Variants in ACOXL observed in about 807,000 individuals in gnomAD.
The protein encoded by ACOXL is acyl-coenzyme A oxidase-like protein.
A neutral mutation model predicts 71.9 loss-of-function variants in ACOXL; 70 were observed. The observed-to-expected ratio is 0.97, with a 90% confidence interval of 0.80 to 1.19. ACOXL has a LOEUF of 1.19. ACOXL is among the 50% of genes most tolerant of loss of function. ACOXL has a pLI of 0.00. For missense variants in ACOXL, 703 were observed against 736.3 expected, an observed-to-expected ratio of 0.95 and a Z score of 0.52; for synonymous variants, 253 against 281.6, an observed-to-expected ratio of 0.90 and a Z score of 1.02.
chr2:110,760,527 G>A (rs1367898648), intron 1 of ACOXL, among the ~76,000 whole-genome samples: 1 of 152,204 alleles, frequency 6.6e-6, no homozygotes, highest in Admixed American at 6.5e-5. Flanking sequence ...TGCATGACTG[G>A]GAGGACCTTC....
intron 16 of ACOXL, among the ~76,000 whole-genome samples, chr2:111,076,681 T>A (rs2067615518): frequency 6.6e-6 from 1 of 152,204 alleles, no homozygotes; most frequent in Non-Finnish European, 1.5e-5. Context: ...TAGTTTCCTA[T>A]GGCTACTGTA....
At chr2:110,889,870 C>G (rs554119489) in intron 10 of ACOXL, among the ~76,000 whole-genome samples, 1 of 152,246 alleles carries the variant, frequency 6.6e-6, no homozygotes, top group East Asian at 1.9e-4. Context: ...CTATGTTTAA[C>G]ATTTTGAGGA....
chr2:111,029,287 A>G (rs1324547910), intron 14 of ACOXL, among the ~76,000 whole-genome samples: 1 of 152,114 alleles, frequency 6.6e-6, no homozygotes, highest in African/African-American at 2.4e-5. Flanking sequence ...AAGATGAGAG[A>G]GTTGATTTCT....
At chr2:110,818,282 T>G (rs1479026083) in intron 9 of ACOXL, among the ~76,000 whole-genome samples, 1 of 151,226 alleles carries the variant, frequency 6.6e-6, no homozygotes, top group Non-Finnish European at 1.5e-5. Context: ...TATTCCCAGC[T>G]ATTTGGGAGG....
At chr2:110,925,523 G>A (rs2060236940) in intron 11 of ACOXL, among the ~76,000 whole-genome samples, 1 of 152,196 alleles carries the variant, frequency 6.6e-6, no homozygotes, top group African/African-American at 2.4e-5. Context: ...AACCAATTTA[G>A]CCTCAAACTT....
At chr2:110,786,594 A>G (rs1489383047) in intron 3 of ACOXL, among the ~76,000 whole-genome samples, 1 of 152,114 alleles carries the variant, frequency 6.6e-6, no homozygotes, top group Non-Finnish European at 1.5e-5. Context: ...TCTGCCATCT[A>G]CTTTCTCTTC....
At chr2:110,932,127 A>T (rs2060497779) in intron 11 of ACOXL, among the ~76,000 whole-genome samples, 2 of 152,386 alleles carry the variant, frequency 1.3e-5, no homozygotes, top group South Asian at 4.1e-4. Flanking sequence ...ATATATTGTA[A>T]TGTGGATGAA....
chr2:110,944,821 C>A (rs1574229788), intron 12 of ACOXL, among the ~76,000 whole-genome samples: 1 of 152,116 alleles, frequency 6.6e-6, no homozygotes, highest in East Asian at 1.9e-4. Flanking sequence ...GTGCATGTGT[C>A]TTTATGGTAG....
intron 14 of ACOXL, among the ~76,000 whole-genome samples, chr2:111,005,656 C>T (rs1378337375): frequency 6.6e-6 from 1 of 152,200 alleles, no homozygotes; most frequent in Admixed American, 6.5e-5. Flanking sequence ...GCTCAGGTCA[C>T]CTGCTTGGGG....
In ACOXL at chr2:110,953,208, A is replaced by T. The variant is rs201523093; in HGVS notation, c.1059+19566A>T. Among the ~76,000 whole-genome samples the T allele has an allele frequency of 3.9e-5, 6 of 152,272 alleles. No individual in the cohort carries two copies. In the East Asian group the frequency reaches 1.2e-3, roughly 29 times the overall value. ...GTTACCCAAGATCACACAGCTCCTG[A>T]ATTGGCGGAGCTGAGATTCAAATCC... On this transcript the variant is annotated intron_variant, in intron 12 of 17. Coordinates refer to ENST00000439055, the MANE Select transcript of ACOXL (RefSeq NM_001142807.4).
chr2:111,078,955 C>T (rs1294466151), intron 16 of ACOXL, among the ~76,000 whole-genome samples: 2 of 152,156 alleles, frequency 1.3e-5, no homozygotes, highest in Non-Finnish European at 2.9e-5. Context: ...AAACCTTTTG[C>T]AGCACTATTT....
In ACOXL at chr2:110,999,375, G is replaced by A. The variant is rs185105537; in HGVS notation, c.1281+3371G>A. ...GTCACATCCTGAGGTACTAGGAGTTGGGACATCAATGTTTGAATTTAGAGA... is the reference window on the plus strand; with the variant it reads ...GTCACATCCTGAGGTACTAGGAGTTAGGACATCAATGTTTGAATTTAGAGA... On this transcript the variant is annotated intron_variant, in intron 14 of 17. Coordinates refer to ENST00000439055, the MANE Select transcript of ACOXL (RefSeq NM_001142807.4). Among the ~76,000 whole-genome samples the A allele has an allele frequency of 6.6e-5, 10 of 152,222 alleles. No individual in the cohort carries two copies. The East Asian group carries it at 9.7e-4, about 15-fold the overall frequency.
At position 110,908,586 on chromosome 2, in the gene ACOXL, T is replaced by C. The variant is rs182211254; in HGVS notation, c.789-203T>C. ...AATGTTCCACGCTGGGAAGGTTAAC[T>C]TCTAGAAGAGCTGAAAAGCTTCCTG... is the stretch of plus-strand genomic sequence containing the variant. On this transcript the variant is annotated intron_variant, in intron 10 of 17. Coordinates refer to ENST00000439055, the MANE Select transcript of ACOXL (RefSeq NM_001142807.4). Among the ~76,000 whole-genome samples the C allele has an allele frequency of 1.2e-3, 180 of 152,322 alleles. 2 individuals carry two copies. Among genetic ancestry groups the C allele is most frequent in the African/African-American group, 4.2e-3 (175 of 41,572 alleles).
chr2:111,082,780 A>G (rs1325371598), intron 16 of ACOXL, among the ~76,000 whole-genome samples: 1 of 152,236 alleles, frequency 6.6e-6, no homozygotes, highest in Non-Finnish European at 1.5e-5. Flanking sequence ...ACTTGGAACC[A>G]ACCCAAATGC....
intron 12 of ACOXL, among the ~76,000 whole-genome samples, chr2:110,960,470 T>A (rs1311276927): frequency 6.6e-6 from 1 of 152,092 alleles, no homozygotes; most frequent in African/African-American, 2.4e-5. Flanking sequence ...TCTCACAACA[T>A]TCCTTGGCTC....
At chr2:111,069,145 C>CT (rs1234410019) in intron 16 of ACOXL, among the ~76,000 whole-genome samples, 20,891 of 135,242 alleles carry the variant, frequency 0.15, 1,574 homozygotes, top group Middle Eastern at 0.2. Context: ...TCTTCTTTTT[C>CT]TTTTTTTTTT....
intron 16 of ACOXL, among the ~76,000 whole-genome samples, chr2:111,079,299 T>C (rs540432753): frequency 6.6e-6 from 1 of 152,350 alleles, no homozygotes; most frequent in East Asian, 1.9e-4. Flanking sequence ...TTCCACATTC[T>C]GTGTCCTAGT....
In ACOXL at chr2:111,109,671, A is replaced by ATTTTTTTTT. The variant is rs869081161; in HGVS notation, c.1543-7928_1543-7920dup. ...CTATTATATCCATTTTTCTCCTTCT[A>ATTTTTTTTT]TTTTTTTTTTTTTTTTTTTTTTTTT... is the stretch of plus-strand genomic sequence containing the variant. On this transcript the variant is annotated intron_variant, in intron 17 of 17. Transcript: ENST00000439055. Among the ~76,000 whole-genome samples the ATTTTTTTTT allele has an allele frequency of 6.7e-4, 51 of 75,676 alleles. 3 individuals are homozygous for ATTTTTTTTT. Among genetic ancestry groups the ATTTTTTTTT allele is most frequent in the African/African-American group, 9.8e-4 (18 of 18,380 alleles). 49.6% of individuals were successfully genotyped at this position (75,676 alleles called of 152,430 possible). A position where few individuals can be genotyped will look rare whatever the true frequency, so the allele number is the denominator to read the frequency against.
At chr2:111,086,170 A>G (rs776627645) in intron 16 of ACOXL, among the ~76,000 whole-genome samples, 5 of 152,212 alleles carry the variant, frequency 3.3e-5, no homozygotes, top group African/African-American at 1.2e-4. Flanking sequence ...TACTGAAACT[A>G]TTTCAAAACA....
Sources: gnomAD v4.1 joint callset for allele counts (sites outside exome capture counted in the v4.1 genomes callset) on GRCh38, gnomAD v4.1.1 for gene constraint, MANE v1.5 for transcripts, NCBI Gene and HGNC (gene_info 2026-07-23, HGNC 2026-07-21) for gene names.